Variants in FANCD2 observed in about 807,000 individuals in gnomAD.
FANCD2 encodes Fanconi anemia group D2 protein.
In FANCD2, 131 loss-of-function variants were observed where a neutral mutation model predicts 192.3. That is an observed-to-expected ratio of 0.68 (90% CI 0.59 to 0.79). The LOEUF is 0.79. Ranked by LOEUF, FANCD2 falls within the 30% of genes least tolerant of loss-of-function variation. The pLI, the probability that FANCD2 is intolerant of heterozygous loss-of-function variation, is 0.00. For missense variants in FANCD2, 1,508 were observed against 1,701.6 expected (o/e 0.89, Z 2.00); for synonymous variants, 524 against 612.5 (o/e 0.86, Z 2.13).
At chr3:10,055,825 TAATAAATA>T (rs544399792) in intron 18 of FANCD2, among the ~76,000 whole-genome samples, 8 of 151,658 alleles carry the variant, frequency 5.3e-5, no homozygotes, top group African/African-American at 9.7e-5. Context: ...AAAAAAATAA[TAATAAATA>T]AATAAATAAA....
At chr3:10,085,362 T>A (rs1289030250) in intron 32 of FANCD2, among the ~76,000 whole-genome samples, 1 of 152,124 alleles carries the variant, frequency 6.6e-6, no homozygotes, top group Non-Finnish European at 1.5e-5. Flanking sequence ...ACTTCAGTAC[T>A]TTCCATTTCA....
chr3:10,055,314 A>G (rs2087375509), intron 18 of FANCD2, among the ~76,000 whole-genome samples: 1 of 152,156 alleles, frequency 6.6e-6, no homozygotes, highest in Non-Finnish European at 1.5e-5. Context: ...CCATTAGGCA[A>G]TAATTTGCCA....
intron 3 of FANCD2, among the ~76,000 whole-genome samples, 167 bp downstream of exon 3, chr3:10,033,139 G>A (rs1184325914): frequency 6.6e-6 from 1 of 152,142 alleles, no homozygotes; most frequent in African/African-American, 2.4e-5. Context: ...GGCCGGGCGC[G>A]GTGGCTCACG....
chr3:10,078,570 G>A (rs990357866), intron 30 of FANCD2, among the ~76,000 whole-genome samples: 5 of 151,516 alleles, frequency 3.3e-5, no homozygotes, highest in Non-Finnish European at 7.4e-5. Flanking sequence ...TAGCCAGGAT[G>A]GTCTCAATCT....
chr3:10,036,268 C>T lies in FANCD2; in HGVS notation c.439-19C>T, dbSNP rs2124978408. 1 of 1,599,682 alleles carries T rather than the reference C, an allele frequency of 6.3e-7. No homozygotes were observed. ...GTATTTTGAGATCATCTCCTAACTCCCTATGTCTTCTTTTTTAGCCTGCCA... is the reference window on the plus strand; with the variant it reads ...GTATTTTGAGATCATCTCCTAACTCTCTATGTCTTCTTTTTTAGCCTGCCA... On this transcript the variant is annotated intron_variant, in intron 6 of 43. Transcript: ENST00000675286.
Position 10,069,681 on chromosome 3 carries a change from CTCCAGCTCCTAACCGCGAGTGA to C in FANCD2, c.2494+2368_2494+2389del, listed in dbSNP as rs1287356266. Among the ~76,000 whole-genome samples, 8 of 152,254 alleles carry C rather than the reference CTCCAGCTCCTAACCGCGAGTGA, an allele frequency of 5.3e-5. No homozygotes were observed. In the East Asian group the frequency reaches 1.5e-3, roughly 29 times the overall value. Reference sequence around the variant, plus strand: ...GTTTCGCTGTGTTGGCCGGGCCGGTCTCCAGCTCCTAACCGCGAGTGATCCGCTAGCCTCAGCCTCCCGAGGT... The same window carrying C: ...GTTTCGCTGTGTTGGCCGGGCCGGTCTCCGCTAGCCTCAGCCTCCCGAGGT... On this transcript the variant is annotated intron_variant, in intron 26 of 43. Transcript: ENST00000675286.
rs1349205199 is a variant in FANCD2, at chr3:10,041,672, C to T, written c.745C>T (p.Leu249Phe). The T allele has an allele frequency of 2.5e-6, 4 of 1,613,860 alleles. No individual in the cohort carries two copies. Among genetic ancestry groups the T allele is most frequent in the Non-Finnish European group, 3.4e-6 (4 of 1,179,856 alleles). The change falls in exon 10 of 44, where the codon CTT becomes TTT. Residue 249 changes from leucine (L) to phenylalanine (F), a missense_variant. This residue lies in a region of FANCD2 where 435 missense variants were observed against 421.9 expected (regional missense o/e 1.03). Coordinates refer to ENST00000675286, the MANE Select transcript of FANCD2 (RefSeq NM_001018115.3). ...TSLTVPILDVLSSLRLDPNFL... is the reference protein window; with the variant it reads ...TSLTVPILDVFSSLRLDPNFL... ...ACTCACTGTCCCAATCCTGGATGTC[C>T]TTTCAAGCCTCCGACTTGACCCAAA... is the stretch of plus-strand genomic sequence containing the variant.
At chr3:10,052,045 G>T (rs1156424735) in intron 17 of FANCD2, among the ~76,000 whole-genome samples, 1 of 152,148 alleles carries the variant, frequency 6.6e-6, no homozygotes, top group Non-Finnish European at 1.5e-5. Context: ...AGAACTGGGA[G>T]GTGCATTAGA....
At chr3:10,091,821 G>A (rs1255213040) in intron 37 of FANCD2, among the ~76,000 whole-genome samples, 2 of 152,364 alleles carry the variant, frequency 1.3e-5, no homozygotes, top group East Asian at 1.9e-4. Flanking sequence ...ACCACCGGGT[G>A]CAGTGGCGCA....
rs758334111 is a variant in FANCD2, at chr3:10,043,190, G to C, written c.989+40G>C. The C allele has an allele frequency of 3.4e-6, 5 of 1,482,626 alleles. No individual in the cohort carries two copies. In the East Asian group the frequency reaches 1.1e-4, roughly 34 times the overall value. 91.8% of individuals were successfully genotyped at this position (1,482,626 alleles called of 1,614,324 possible). A position where few individuals can be genotyped will look rare whatever the true frequency, so the allele number is the denominator to read the frequency against. Reference sequence around the variant, plus strand: ...CTCACACAGGATGTCACAATTTTCTGACATCCCACTGTCAGAGTTAGAGCT... The same window carrying C: ...CTCACACAGGATGTCACAATTTTCTCACATCCCACTGTCAGAGTTAGAGCT... On this transcript the variant is annotated intron_variant, in intron 12 of 43. Coordinates refer to ENST00000675286, the MANE Select transcript of FANCD2 (RefSeq NM_001018115.3).
At chr3:10,047,287 G>C in intron 15 of FANCD2, among the ~76,000 whole-genome samples, 1 of 152,282 alleles carries the variant, frequency 6.6e-6, no homozygotes, top group East Asian at 1.9e-4. Flanking sequence ...AATTATACAT[G>C]TTTTGGGCTG....
Position 10,101,847 on chromosome 3 carries a change from A to C in FANCD2, c.*585A>C, listed in dbSNP as rs1358655589. On this transcript the variant is annotated 3_prime_UTR_variant, in exon 44 of 44. Coordinates refer to ENST00000675286, the MANE Select transcript of FANCD2 (RefSeq NM_001018115.3). Reference sequence around the variant, plus strand: ...TAAAATCTCTGAGTCATGATTCTGGACTTTGGGAGCTAGTTTTGAAACTCT... The same window carrying C: ...TAAAATCTCTGAGTCATGATTCTGGCCTTTGGGAGCTAGTTTTGAAACTCT... The C allele has an allele frequency of 1.0e-5, 2 of 191,052 alleles. No individual in the cohort carries two copies. The allele number at this position is 191,052 out of a possible 1,614,324, so 11.8% of individuals were successfully genotyped here. A position where few individuals can be genotyped will look rare whatever the true frequency, so the allele number is the denominator to read the frequency against.
At chr3:10,038,797 T>C (rs1575740904) in intron 7 of FANCD2, among the ~76,000 whole-genome samples, 2 of 152,004 alleles carry the variant, frequency 1.3e-5, no homozygotes, top group Non-Finnish European at 2.9e-5. Context: ...GCCAGGCTGG[T>C]CTTGAACTCC....
At chr3:10,045,101 T>TTTTTTTTC (rs397948524) in intron 14 of FANCD2, among the ~76,000 whole-genome samples, 1 of 149,176 alleles carries the variant, frequency 6.7e-6, no homozygotes, top group African/African-American at 2.6e-5. Context: ...TTTTTTTTTT[T>TTTTTTTTC]CCTGGAAGCA....
chr3:10,065,463 C>T lies in FANCD2; in HGVS notation c.2238C>T (p.Asn746=), dbSNP rs35817402. Residue 746 remains asparagine, a synonymous_variant, in exon 24 of 44, where the codon AAC becomes AAT. Transcript: ENST00000675286. The part of the protein sequence containing the change: ...LLRLCVERQH[N]GNLEEIDGLL... ...GACTTTGTGTGGAGAGACAGCATAACGGAAACTTGGAGGAGATTGATGGTC... is the reference window on the plus strand; with the variant it reads ...GACTTTGTGTGGAGAGACAGCATAATGGAAACTTGGAGGAGATTGATGGTC... 43 of 1,613,374 alleles carry T rather than the reference C, an allele frequency of 2.7e-5. No homozygotes were observed. The highest frequency in any genetic ancestry group is 1.5e-4 in the South Asian group (14 of 91,060).
chr3:10,044,302 A>G (rs113890152), intron 14 of FANCD2, among the ~76,000 whole-genome samples: 28,900 of 150,272 alleles, frequency 0.19, 3,384 homozygotes, highest in African/African-American at 0.32. Context: ...GAGTAAATCA[A>G]TCTGTCCACT....
At position 10,101,377 on chromosome 3, in the gene FANCD2, C is replaced by CTTT. The variant is rs950337384; in HGVS notation, c.*138_*140dup. 197 of 387,626 alleles carry CTTT rather than the reference C, an allele frequency of 5.1e-4. No homozygotes were observed. Among genetic ancestry groups the CTTT allele is most frequent in the South Asian group, 5.5e-4 (24 of 43,510 alleles). 24.0% of individuals were successfully genotyped at this position (387,626 alleles called of 1,614,324 possible). A position where few individuals can be genotyped will look rare whatever the true frequency, so the allele number is the denominator to read the frequency against. On this transcript the variant is annotated 3_prime_UTR_variant, in exon 44 of 44. Coordinates refer to ENST00000675286, the MANE Select transcript of FANCD2 (RefSeq NM_001018115.3). ...ACTGGTAGGATCCTTTTTTGTTCCT[C>CTTT]TTTTTTTTTTTTTTTTTTTTTTTTT...
In FANCD2 at chr3:10,087,248, G is replaced by C. The variant is rs1369507563; in HGVS notation, c.3450G>C (p.Gln1150His). 6.5e-7 allele frequency: 1 copy of C among 1,532,252 alleles called. No homozygotes were observed. The highest frequency in any genetic ancestry group is 8.9e-7 in the Non-Finnish European group (1 of 1,127,570). The allele number at this position is 1,532,252 out of a possible 1,614,324, so 94.9% of individuals were successfully genotyped here. A position where few individuals can be genotyped will look rare whatever the true frequency, so the allele number is the denominator to read the frequency against. ...VILEKSTASA[Q>H]NKEKIASLAR... is the part of the protein sequence containing the mutation. ...TGGAGAAATCAACAGCTTCTGCTCA[G>C]AACAAAGAAAAAATTGGTGATGGGC... Residue 1150 changes from glutamine (Q) to histidine (H), a missense_variant, in exon 34 of 44, where the codon CAG becomes CAC. Physicochemically the swap from Gln to His is conservative, Grantham distance 24. Around this residue, in one of 5 missense-constraint regions of FANCD2, gnomAD observed 796 missense variants for 879.4 expected, o/e 0.91. Transcript: ENST00000675286.
chr3:10,082,700 C>T (rs779366532), intron 32 of FANCD2, among the ~76,000 whole-genome samples: 1 of 152,168 alleles, frequency 6.6e-6, no homozygotes, highest in Non-Finnish European at 1.5e-5. Flanking sequence ...GAGATCTGAA[C>T]TTAAGCATCC....
Sources: allele counts gnomAD v4.1 joint callset (sites outside exome capture counted in the v4.1 genomes callset), GRCh38; gene constraint gnomAD v4.1.1; regional missense constraint gnomAD v4.1.1; transcripts MANE v1.5; gene names NCBI Gene and HGNC (gene_info 2026-07-23, HGNC 2026-07-21).